ITPRID1: variants seen among roughly 807,000 people sequenced by gnomAD.
ITPRID1 encodes the protein ITPR interacting domain containing 1, also known as protein ITPRID1.
In ITPRID1, 96 loss-of-function variants were observed where a neutral mutation model predicts 95.4. That is an observed-to-expected ratio of 1.01 (90% CI 0.85 to 1.19). ITPRID1 has a LOEUF of 1.19. ITPRID1 is among the 50% of genes most tolerant of loss of function. ITPRID1 has a pLI of 0.00. For synonymous variants in ITPRID1, 510 were observed against 453.6 expected, an observed-to-expected ratio of 1.12 and a Z score of -1.58; for missense variants, 1,339 against 1,252.9, an observed-to-expected ratio of 1.07 and a Z score of -1.04.
At chr7:31,639,571 C>G (rs1426250038) in intron 10 of ITPRID1, among the ~76,000 whole-genome samples, 9 of 136,810 alleles carry the variant, frequency 6.6e-5, no homozygotes, top group Non-Finnish European at 9.2e-5. Flanking sequence ...GAGTCTCACT[C>G]TGTCTCCCAG....
chr7:31,517,081 G>C (rs532860274), intron 1 of ITPRID1, among the ~76,000 whole-genome samples: 2 of 152,200 alleles, frequency 1.3e-5, no homozygotes, highest in African/African-American at 2.4e-5. Flanking sequence ...TTATTGCAAA[G>C]AGCGAAAGAA....
At chr7:31,526,170 TGA>T (rs1783415529) in intron 1 of ITPRID1, among the ~76,000 whole-genome samples, 1 of 152,368 alleles carries the variant, frequency 6.6e-6, no homozygotes, top group Admixed American at 6.5e-5. Context: ...GTTGGAAAAC[TGA>T]GAGAGATTCT....
At chr7:31,547,846 A>T (rs1358024430) in intron 1 of ITPRID1, among the ~76,000 whole-genome samples, 1 of 152,120 alleles carries the variant, frequency 6.6e-6, no homozygotes, top group East Asian at 1.9e-4. Flanking sequence ...ATGTGTATAG[A>T]CATTCAAGTG....
chr7:31,560,665 A>G (rs1251113801), intron 5 of ITPRID1, among the ~76,000 whole-genome samples: 1 of 152,236 alleles, frequency 6.6e-6, no homozygotes, highest in African/African-American at 2.4e-5. Flanking sequence ...AATGTTGCCC[A>G]AGCATCTGGA....
intron 1 of ITPRID1, among the ~76,000 whole-genome samples, chr7:31,547,143 G>A (rs1784124440): frequency 6.6e-6 from 1 of 152,160 alleles, no homozygotes. Context: ...TAAAGAGAAG[G>A]GAAGGTGTGG....
At chr7:31,621,136 G>T (rs1403879243) in intron 10 of ITPRID1, among the ~76,000 whole-genome samples, 1 of 150,746 alleles carries the variant, frequency 6.6e-6, no homozygotes, top group African/African-American at 2.4e-5. Context: ...TCTGATTGGT[G>T]TACCTGAAAG....
At position 31,624,233 on chromosome 7, in the gene ITPRID1, G is replaced by A. The variant is rs529093826; in HGVS notation, c.1229-17943G>A. On this transcript the variant is annotated intron_variant, in intron 10 of 14. Transcript: ENST00000615280. The stretch of plus-strand genomic sequence containing the variant: ...ATAGATTCAATGCCATCCCCATCAA[G>A]CTACCAATGACTTTCTTCACAGAAT... Among the ~76,000 whole-genome samples the A allele has an allele frequency of 2.3e-3, 341 of 145,810 alleles. 1 individual carries two copies. Among genetic ancestry groups the A allele is most frequent in the Non-Finnish European group, 3.4e-3 (226 of 65,822 alleles).
chr7:31,519,035 A>G (rs981298712), intron 1 of ITPRID1, among the ~76,000 whole-genome samples: 13 of 152,190 alleles, frequency 8.5e-5, no homozygotes, highest in Admixed American at 3.3e-4. Flanking sequence ...CAGAGATGAC[A>G]GTAGCCCAAA....
chr7:31,617,253 TAAC>T (rs1201747350), intron 10 of ITPRID1, among the ~76,000 whole-genome samples: 8 of 86,630 alleles, frequency 9.2e-5, no homozygotes, highest in Admixed American at 6.0e-4. Context: ...AGAATGGAGA[TAAC>T]AACAATTTAA....
chr7:31,587,249 C>T (rs1298925943), intron 10 of ITPRID1, among the ~76,000 whole-genome samples: 5 of 152,102 alleles, frequency 3.3e-5, no homozygotes, highest in Admixed American at 2.6e-4. Context: ...CCCATTGTCT[C>T]AGCCCAAAAT....
At chr7:31,615,864 C>G (rs1180998037) in intron 10 of ITPRID1, among the ~76,000 whole-genome samples, 1 of 151,852 alleles carries the variant, frequency 6.6e-6, no homozygotes, top group East Asian at 1.9e-4. Context: ...CGCCAATCTC[C>G]TGCCTCAGCC....
At position 31,578,230 on chromosome 7, in the gene ITPRID1, T is replaced by C. The variant is rs200119465; in HGVS notation, c.966T>C (p.Asp322=). The change falls in exon 9 of 15, where the codon GAT becomes GAC. Residue 322 remains aspartate, a synonymous_variant. Coordinates refer to ENST00000615280, the MANE Select transcript of ITPRID1 (RefSeq NM_001257967.3). Reference sequence around the variant, plus strand: ...AACATCAGTCTCTCCAAGCCTGTGATGATTTGCTACCTTATCCTCCTCATG... The same window carrying C: ...AACATCAGTCTCTCCAAGCCTGTGACGATTTGCTACCTTATCCTCCTCATG... ...SVEHQSLQAC[D]DLLPYPPHGL... 28 of 1,613,792 alleles carry C rather than the reference T, an allele frequency of 1.7e-5. No homozygotes were observed. The African/African-American group carries it at 2.9e-4, about 17-fold the overall frequency.
intron 1 of ITPRID1, among the ~76,000 whole-genome samples, chr7:31,544,829 A>G (rs1784046232): frequency 6.6e-6 from 1 of 152,160 alleles, no homozygotes; most frequent in Non-Finnish European, 1.5e-5. Flanking sequence ...TGTGCCTGAC[A>G]TGATAGAGAC....
chr7:31,570,614 C>T (rs1392220102), intron 6 of ITPRID1, among the ~76,000 whole-genome samples: 2 of 152,116 alleles, frequency 1.3e-5, no homozygotes, highest in Non-Finnish European at 2.9e-5. Flanking sequence ...GTTGTTTTTG[C>T]TACTTATAGA....
intron 5 of ITPRID1, among the ~76,000 whole-genome samples, chr7:31,566,370 A>T (rs1470154171): frequency 6.6e-6 from 1 of 152,236 alleles, no homozygotes; most frequent in East Asian, 1.9e-4. Context: ...AACCCAGAGC[A>T]ATAGCAGGCA....
At chr7:31,556,913 T>C (rs578141987) in intron 5 of ITPRID1, among the ~76,000 whole-genome samples, 1 of 152,154 alleles carries the variant, frequency 6.6e-6, no homozygotes, top group South Asian at 2.1e-4. Flanking sequence ...TCACCAAGAC[T>C]GATCTCCCTC....
chr7:31,514,566 GGAGA>G (rs1331099340), intron 1 of ITPRID1, among the ~76,000 whole-genome samples: 4 of 152,054 alleles, frequency 2.6e-5, no homozygotes, highest in African/African-American at 9.7e-5. Flanking sequence ...AGGGAATGAG[GGAGA>G]GAGAGAGTCC....
At chr7:31,626,636 C>T (rs950710545) in intron 10 of ITPRID1, among the ~76,000 whole-genome samples, 10 of 152,136 alleles carry the variant, frequency 6.6e-5, no homozygotes, top group Admixed American at 1.3e-4. Flanking sequence ...TTTGACATGT[C>T]GGTGACACCA....
At chr7:31,623,179 G>A (rs1295494565) in intron 10 of ITPRID1, among the ~76,000 whole-genome samples, 1 of 152,092 alleles carries the variant, frequency 6.6e-6, no homozygotes, top group Non-Finnish European at 1.5e-5. Flanking sequence ...AGAGGTACAA[G>A]GAGGAACTGG....
Sources: gnomAD v4.1 joint callset for allele counts (sites outside exome capture counted in the v4.1 genomes callset) on GRCh38, gnomAD v4.1.1 for gene constraint, MANE v1.5 for transcripts, NCBI Gene and HGNC (gene_info 2026-07-23, HGNC 2026-07-21) for gene names.